RALGAPA2: variants seen among roughly 807,000 people sequenced by gnomAD.
RALGAPA2 encodes the protein Ral GTPase activating protein catalytic subunit alpha 2.
RALGAPA2 carries 139 observed loss-of-function variants against 230.4 expected under a neutral mutation model. The ratio of observed to expected loss-of-function variants is 0.60; its 90% CI spans 0.53 to 0.69. The LOEUF is 0.69. RALGAPA2 is among the 30% of genes least tolerant of loss of function. The pLI is 0.00. For synonymous variants in RALGAPA2, 847 were observed against 837.8 expected (o/e 1.01, Z -0.19); for missense variants, 2,163 against 2,276.0 (o/e 0.95, Z 1.01).
intron 1 of RALGAPA2, among the ~76,000 whole-genome samples, chr20:20,685,477 T>A (rs2068667393): frequency 6.6e-6 from 1 of 152,142 alleles, no homozygotes; most frequent in Non-Finnish European, 1.5e-5. Context: ...ATGAAATAGA[T>A]GGGCAGGTGT....
intron 35 of RALGAPA2, among the ~76,000 whole-genome samples, chr20:20,498,417 G>A (rs1357421741): frequency 3.3e-5 from 5 of 152,188 alleles, no homozygotes; most frequent in African/African-American, 4.8e-5. Flanking sequence ...AAGTCCCTTT[G>A]CCTAAGCCAT....
chr20:20,530,815 G>A (rs2063349659), intron 27 of RALGAPA2, among the ~76,000 whole-genome samples: 1 of 152,164 alleles, frequency 6.6e-6, no homozygotes, highest in Admixed American at 6.5e-5. Flanking sequence ...TCCTCCACCA[G>A]TAAACTGAGG....
chr20:20,567,611 G>A lies in RALGAPA2; in HGVS notation c.3156+3847C>T, dbSNP rs114801047. On this transcript the variant is annotated intron_variant, in intron 23 of 39. Coordinates refer to ENST00000202677, the MANE Select transcript of RALGAPA2 (RefSeq NM_020343.4). ...AAACATACCTGGTGGAATAAGCCAA[G>A]CCTGTATGTGAATTCTAACAGGCTT... 9.5e-3 allele frequency among the ~76,000 whole-genome samples: 1,442 copies of A among 152,288 alleles called. 18 individuals are homozygous for A. Among genetic ancestry groups the A allele is most frequent in the African/African-American group, 0.033 (1,379 of 41,564 alleles).
chr20:20,454,946 A>G (rs1231047020), intron 37 of RALGAPA2, among the ~76,000 whole-genome samples: 1 of 152,246 alleles, frequency 6.6e-6, no homozygotes, highest in Non-Finnish European at 1.5e-5. Flanking sequence ...GATGGTCTGG[A>G]GCAGCACCAG....
intron 38 of RALGAPA2, among the ~76,000 whole-genome samples, chr20:20,400,713 T>C (rs1047525550): frequency 6.6e-6 from 1 of 152,038 alleles, no homozygotes; most frequent in African/African-American, 2.4e-5. Context: ...TTCACATGAG[T>C]GAGTGGCCAC....
intron 1 of RALGAPA2, among the ~76,000 whole-genome samples, chr20:20,699,786 TTAAA>T: frequency 6.6e-6 from 1 of 152,162 alleles, no homozygotes; most frequent in Middle Eastern, 3.4e-3. Context: ...AGAATGGTTA[TTAAA>T]TAGTTAAAAA....
intron 38 of RALGAPA2, among the ~76,000 whole-genome samples, chr20:20,400,483 C>A (rs1168761283): frequency 6.6e-6 from 1 of 152,112 alleles, no homozygotes; most frequent in East Asian, 1.9e-4. Flanking sequence ...ATTTTCCTGG[C>A]ATTTTTTTCT....
intron 3 of RALGAPA2, among the ~76,000 whole-genome samples, chr20:20,672,573 G>A (rs768056922): frequency 4.6e-5 from 7 of 152,140 alleles, no homozygotes; most frequent in East Asian, 1.9e-4. Context: ...TGTTCCAAAC[G>A]AAGGGAGTTA....
intron 39 of RALGAPA2, among the ~76,000 whole-genome samples, chr20:20,394,923 A>G (rs1342117856): frequency 6.8e-6 from 1 of 146,524 alleles, no homozygotes; most frequent in Non-Finnish European, 1.5e-5. Flanking sequence ...CAAGTAAATG[A>G]AAGATATAAA....
In RALGAPA2 at chr20:20,486,940, A is replaced by G. The variant is rs539234745; in HGVS notation, c.5367+8177T>C. On this transcript the variant is annotated intron_variant, in intron 36 of 39. Coordinates refer to ENST00000202677, the MANE Select transcript of RALGAPA2 (RefSeq NM_020343.4). Reference sequence around the variant, plus strand: ...ATTTTAATTATTTCTTGGAGTGCCTATCTCTCTACTTACATTAGCCATCTC... The same window carrying G: ...ATTTTAATTATTTCTTGGAGTGCCTGTCTCTCTACTTACATTAGCCATCTC... 3.9e-5 allele frequency among the ~76,000 whole-genome samples: 6 copies of G among 152,290 alleles called. No individual in the cohort carries two copies. In the South Asian group the frequency reaches 1.2e-3, roughly 32 times the overall value.
In RALGAPA2 at chr20:20,524,852, G is replaced by GAGT; in HGVS notation, c.3737_3739dup (p.Tyr1246dup). The GAGT allele has an allele frequency of 6.2e-7, 1 of 1,610,284 alleles. No individual in the cohort carries two copies. The highest frequency in any genetic ancestry group is 8.5e-7 in the Non-Finnish European group (1 of 1,178,324). ...TACCTTCTTGTCTGTTTCCACTGAG[G>GAGT]AGTACTCTGCACTTGGTAAAAGAAA... On this transcript the variant is annotated inframe_insertion, in exon 29 of 40. Coordinates refer to ENST00000202677, the MANE Select transcript of RALGAPA2 (RefSeq NM_020343.4).
chr20:20,629,320 A>AACACAC (rs11467035), intron 10 of RALGAPA2, 43 bp downstream of exon 10: 29,337 of 1,105,404 alleles, frequency 0.027, 188 homozygotes, highest in East Asian at 0.1. Context: ...AAGAACTTGT[A>AACACAC]ACACACACAC....
rs183573495 is a variant in RALGAPA2 at position 20,432,192 on chromosome 20, C to T, written c.5496-20044G>A. 2.1e-3 allele frequency among the ~76,000 whole-genome samples: 321 copies of T among 152,220 alleles called. 5 individuals carry two copies. Among genetic ancestry groups the T allele is most frequent in the Admixed American group, 0.019 (291 of 15,294 alleles). Reference sequence around the variant, plus strand: ...CTATGTTTATTTTCCCTTGATGACCCGACCACTATGGAATAAAACACGTAG... The same window carrying T: ...CTATGTTTATTTTCCCTTGATGACCTGACCACTATGGAATAAAACACGTAG... On this transcript the variant is annotated intron_variant, in intron 37 of 39. Transcript: ENST00000202677.
chr20:20,605,431 C>CAAG lies in RALGAPA2; in HGVS notation c.1801-22_1801-20dup. 1 of 1,538,812 alleles carries CAAG rather than the reference C, an allele frequency of 6.5e-7. No homozygotes were observed. Among genetic ancestry groups the CAAG allele is most frequent in the East Asian group, 2.3e-5 (1 of 44,136 alleles). On this transcript the variant is annotated intron_variant, in intron 14 of 39. Coordinates refer to ENST00000202677, the MANE Select transcript of RALGAPA2 (RefSeq NM_020343.4). ...TGAGCGTCTAAAACCAACCAACCAA[C>CAAG]AAGAGAATTCACACATCTTCATTTG... is the stretch of plus-strand genomic sequence containing the variant.
At chr20:20,588,841 T>G (rs2065205782) in intron 18 of RALGAPA2, among the ~76,000 whole-genome samples, 1 of 152,082 alleles carries the variant, frequency 6.6e-6, no homozygotes, top group Non-Finnish European at 1.5e-5. Context: ...TTTATATATA[T>G]TTAAATAAAT....
At chr20:20,605,838 C>T (rs1244872469) in intron 14 of RALGAPA2, among the ~76,000 whole-genome samples, 1 of 152,136 alleles carries the variant, frequency 6.6e-6, no homozygotes, top group Non-Finnish European at 1.5e-5. Context: ...TCACAAGAAA[C>T]AGAACCCATT....
intron 3 of RALGAPA2, among the ~76,000 whole-genome samples, chr20:20,667,217 G>A (rs912834818): frequency 5.3e-5 from 8 of 152,200 alleles, no homozygotes; most frequent in South Asian, 2.1e-4. Flanking sequence ...CTATTATCAG[G>A]AAAATCATTA....
At chr20:20,419,833 C>T (rs552784378) in intron 37 of RALGAPA2, among the ~76,000 whole-genome samples, 3 of 152,292 alleles carry the variant, frequency 2.0e-5, no homozygotes, top group South Asian at 4.1e-4. Flanking sequence ...TTCATTCAAG[C>T]GCTCATCCAT....
chr20:20,676,238 CA>C lies in RALGAPA2; in HGVS notation c.267del (p.Phe89LeufsTer21). ...REELDSILFLFEKILQFLPER... is the reference protein window; with the variant it reads ...REELDSILFLXEKILQFLPER... ...TAAATAAACTCATCAAAACTTACTT[CA>C]AAAAGGAAGAGGATGGAGTCCAGCT... is the stretch of plus-strand genomic sequence containing the variant. On this transcript the variant is annotated frameshift_variant, in exon 3 of 40. Coordinates refer to ENST00000202677, the MANE Select transcript of RALGAPA2 (RefSeq NM_020343.4). LOFTEE classifies it high-confidence loss of function. 1 of 1,534,456 alleles carries C rather than the reference CA, an allele frequency of 6.5e-7. No homozygotes were observed. The highest frequency in any genetic ancestry group is 8.9e-7 in the Non-Finnish European group (1 of 1,120,056).
Sources: allele counts gnomAD v4.1 joint callset (sites outside exome capture counted in the v4.1 genomes callset), GRCh38; gene constraint gnomAD v4.1.1; transcripts MANE v1.5; gene names NCBI Gene and HGNC (gene_info 2026-07-23, HGNC 2026-07-21).